UBE2E2: variants seen among roughly 807,000 people sequenced by gnomAD.
UBE2E2 encodes ubiquitin conjugating enzyme E2 E2.
Under a neutral mutation model 24.7 loss-of-function variants are expected in UBE2E2, and 6 were observed. The ratio of observed to expected loss-of-function variants is 0.24; its 90% CI spans 0.13 to 0.48. The LOEUF (loss-of-function observed/expected upper bound fraction) is 0.48. Ranked by LOEUF, UBE2E2 falls within the 20% of genes least tolerant of loss-of-function variation. The pLI, the probability that UBE2E2 is intolerant of heterozygous loss-of-function variation, is 0.99. For missense variants in UBE2E2, 169 were observed against 245.0 expected (o/e 0.69, Z 2.07); for synonymous variants, 104 against 83.6 (o/e 1.24, Z -1.33).
intron 3 of UBE2E2, among the ~76,000 whole-genome samples, chr3:23,365,689 C>T (rs1423794201): frequency 6.6e-6 from 1 of 152,118 alleles, no homozygotes; most frequent in African/African-American, 2.4e-5. Context: ...CCATACCACC[C>T]AAAGCAGTCT....
chr3:23,444,426 C>T (rs1299135142), intron 3 of UBE2E2, among the ~76,000 whole-genome samples: 1 of 152,180 alleles, frequency 6.6e-6, no homozygotes, highest in Non-Finnish European at 1.5e-5. Context: ...GGAACTCTTA[C>T]ATGTCCACTG....
intron 3 of UBE2E2, among the ~76,000 whole-genome samples, chr3:23,245,485 A>G (rs1194816610): frequency 2.6e-5 from 4 of 152,146 alleles, no homozygotes; most frequent in Admixed American, 1.3e-4. Context: ...ATGAATGGAA[A>G]CCCTTAAAGG....
chr3:23,306,081 G>A lies in UBE2E2; in HGVS notation c.227+88769G>A, dbSNP rs188229671. Among the ~76,000 whole-genome samples the A allele has an allele frequency of 2.6e-5, 4 of 152,282 alleles. No individual in the cohort carries two copies. In the East Asian group the frequency reaches 5.8e-4, roughly 22 times the overall value. ...TTAAGTGGTAGATAAAAAAGGAAGA[G>A]ACTGAAAAAGTGTTTAAGAAAACAT... is the stretch of plus-strand genomic sequence containing the variant. On this transcript the variant is annotated intron_variant, in intron 3 of 5. Coordinates refer to ENST00000396703, the MANE Select transcript of UBE2E2 (RefSeq NM_152653.4).
At position 23,211,671 on chromosome 3, in the gene UBE2E2, C is replaced by T. The variant is rs536980545; in HGVS notation, c.176+2796C>T. Reference sequence around the variant, plus strand: ...TTGGTCTCTCAAAGTGTTGGAATTACAGGCATGAACCACTGTGCCTAGCCT... The same window carrying T: ...TTGGTCTCTCAAAGTGTTGGAATTATAGGCATGAACCACTGTGCCTAGCCT... On this transcript the variant is annotated intron_variant, in intron 2 of 5. Transcript: ENST00000396703. Among the ~76,000 whole-genome samples, 13 of 152,212 alleles carry T rather than the reference C, an allele frequency of 8.5e-5. No homozygotes were observed. In the South Asian group the frequency reaches 2.7e-3, roughly 32 times the overall value.
chr3:23,370,258 C>G (rs1054611523), intron 3 of UBE2E2, among the ~76,000 whole-genome samples: 1 of 152,090 alleles, frequency 6.6e-6, no homozygotes, highest in Non-Finnish European at 1.5e-5. Flanking sequence ...ATTTCCCTTT[C>G]TGTCTTTAAG....
At chr3:23,207,723 A>G (rs1416032261) in intron 1 of UBE2E2, among the ~76,000 whole-genome samples, 1 of 152,344 alleles carries the variant, frequency 6.6e-6, no homozygotes, top group African/African-American at 2.4e-5. Context: ...CAAGTTGGCT[A>G]GTCGAGGTTT....
chr3:23,239,578 A>G (rs563269664), intron 3 of UBE2E2, among the ~76,000 whole-genome samples: 1 of 152,296 alleles, frequency 6.6e-6, no homozygotes, highest in South Asian at 2.1e-4. Flanking sequence ...TAATTAAAGC[A>G]TTTAGTTTTA....
chr3:23,268,023 T>G (rs1698101500), intron 3 of UBE2E2, among the ~76,000 whole-genome samples: 1 of 151,534 alleles, frequency 6.6e-6, no homozygotes. Context: ...TGCTAAAAAC[T>G]CTCAATAAAT....
At chr3:23,234,081 T>C (rs1697036920) in intron 3 of UBE2E2, among the ~76,000 whole-genome samples, 1 of 152,188 alleles carries the variant, frequency 6.6e-6, no homozygotes, top group South Asian at 2.1e-4. Context: ...GGAAAAGCTG[T>C]TAAACAGATC....
intron 3 of UBE2E2, among the ~76,000 whole-genome samples, chr3:23,457,953 A>G (rs1698717538): frequency 6.6e-6 from 1 of 152,176 alleles, no homozygotes; most frequent in Non-Finnish European, 1.5e-5. Context: ...CTTTCTTCAT[A>G]TCAGCAATAA....
chr3:23,450,274 T>TG (rs1275980500), intron 3 of UBE2E2, among the ~76,000 whole-genome samples: 3 of 152,244 alleles, frequency 2.0e-5, no homozygotes, highest in Admixed American at 2.0e-4. Context: ...CTTTCTGCAC[T>TG]GATGGAAATG....
chr3:23,323,559 G>A lies in UBE2E2; in HGVS notation c.227+106247G>A, dbSNP rs77318663. 5.4e-4 allele frequency: 246 copies of A among 451,644 alleles called. 4 individuals carry two copies. The East Asian group carries it at 0.015, about 27-fold the overall frequency. 28.0% of individuals were successfully genotyped at this position (451,644 alleles called of 1,614,324 possible). A position where few individuals can be genotyped will look rare whatever the true frequency, so the allele number is the denominator to read the frequency against. ...GGAAATGCTCATTCAATTCTCAATT[G>A]GATTTTTGGATTTTGGATGCCCACT... On this transcript the variant is annotated intron_variant, in intron 3 of 5. Transcript: ENST00000396703.
intron 3 of UBE2E2, among the ~76,000 whole-genome samples, chr3:23,319,089 A>T (rs1025024884): frequency 6.6e-6 from 1 of 152,236 alleles, no homozygotes; most frequent in Non-Finnish European, 1.5e-5. Flanking sequence ...TATAGGCAGT[A>T]AAGTATTTAC....
At chr3:23,283,638 G>A (rs939328752) in intron 3 of UBE2E2, among the ~76,000 whole-genome samples, 2 of 152,080 alleles carry the variant, frequency 1.3e-5, no homozygotes, top group Non-Finnish European at 2.9e-5. Flanking sequence ...CACACTCAGC[G>A]AATAATTTTG....
chr3:23,409,986 C>G (rs761765819), intron 3 of UBE2E2, among the ~76,000 whole-genome samples: 1 of 152,102 alleles, frequency 6.6e-6, no homozygotes, highest in Non-Finnish European at 1.5e-5. Context: ...TTACTGTGAC[C>G]TCATCTTAAT....
At position 23,327,897 on chromosome 3, in the gene UBE2E2, A is replaced by G. The variant is rs188493550; in HGVS notation, c.227+110585A>G. Among the ~76,000 whole-genome samples, 1,042 of 152,278 alleles carry G rather than the reference A, an allele frequency of 6.8e-3. 4 individuals are homozygous for G. The highest frequency in any genetic ancestry group is 0.011 in the Admixed American group (168 of 15,302). ...GAAATGTCATTCTAGATTTCTGTCA[A>G]TCTCAATTATAGGATGATAGAAGTA... On this transcript the variant is annotated intron_variant, in intron 3 of 5. Coordinates refer to ENST00000396703, the MANE Select transcript of UBE2E2 (RefSeq NM_152653.4).
chr3:23,215,181 C>T (rs1449608542), intron 2 of UBE2E2, among the ~76,000 whole-genome samples: 2 of 151,966 alleles, frequency 1.3e-5, no homozygotes, highest in East Asian at 1.9e-4. Context: ...CTTCTCCATC[C>T]ACTTTTAGCT....
chr3:23,563,991 A>G (rs79722968), intron 5 of UBE2E2, among the ~76,000 whole-genome samples: 15 of 111,982 alleles, frequency 1.3e-4, no homozygotes, highest in African/African-American at 5.9e-4. Flanking sequence ...AAGAAAGAAA[A>G]AGAAAAGAAA....
At chr3:23,569,290 G>T (rs1239520735) in intron 5 of UBE2E2, among the ~76,000 whole-genome samples, 1 of 152,176 alleles carries the variant, frequency 6.6e-6, no homozygotes, top group African/African-American at 2.4e-5. Context: ...CACCAAAGTA[G>T]TTTGATTAGT....
Sources: gnomAD v4.1 joint callset for allele counts (sites outside exome capture counted in the v4.1 genomes callset) on GRCh38, gnomAD v4.1.1 for gene constraint, MANE v1.5 for transcripts, NCBI Gene and HGNC (gene_info 2026-07-23, HGNC 2026-07-21) for gene names.